Variants in PCDHGA6 observed in about 807,000 individuals in gnomAD.
The protein encoded by PCDHGA6 is protocadherin gamma subfamily A, 6, also known as protocadherin gamma-A6.
A neutral mutation model predicts 60.6 loss-of-function variants in PCDHGA6; 41 were observed. The ratio of observed to expected loss-of-function variants is 0.68; its 90% CI spans 0.53 to 0.88. The LOEUF is 0.88. Ranked by LOEUF, PCDHGA6 falls within the 40% of genes least tolerant of loss-of-function variation. The probability of loss-of-function intolerance (pLI) is 0.00; values close to 1 mark genes in which losing one functional copy is unlikely to be tolerated. For missense variants in PCDHGA6, 1,312 were observed against 1,203.0 expected (o/e 1.09, Z -1.34); for synonymous variants, 594 against 524.4 (o/e 1.13, Z -1.81).
intron 1 of PCDHGA6, among the ~76,000 whole-genome samples, chr5:141,472,980 C>CAAAAAAAAAAAAAAAAAGAAAAAAA (rs2099309731): frequency 1.2e-5 from 1 of 86,102 alleles, no homozygotes; most frequent in African/African-American, 3.9e-5. Flanking sequence ...GAGTGAAACT[C>CAAAAAAAAAAAAAAAAAGAAAAAAA]AAAAAAAAAA....
chr5:141,501,447 A>G (rs1483189279), intron 2 of PCDHGA6, among the ~76,000 whole-genome samples: 1 of 151,816 alleles, frequency 6.6e-6, no homozygotes, highest in Middle Eastern at 3.2e-3. Flanking sequence ...TTCCATTTTT[A>G]CTTTTCACTA....
At position 141,449,274 on chromosome 5, in the gene PCDHGA6, T is replaced by C. The variant is rs569352843; in HGVS notation, c.2425-45533T>C. 3.9e-5 allele frequency among the ~76,000 whole-genome samples: 6 copies of C among 152,260 alleles called. No individual in the cohort carries two copies. In the East Asian group the frequency reaches 1.2e-3, roughly 29 times the overall value. On this transcript the variant is annotated intron_variant, in intron 1 of 3. Transcript: ENST00000517434. ...GAATTGTACAAAGAACTGTATCTCC[T>C]TCACCCGGATGCACCGGGTGAATTA...
intron 1 of PCDHGA6, chr5:141,478,902 GCTGCTGGATAC>G: frequency 1.0e-6 from 1 of 978,788 alleles, no homozygotes. Context: ...TTAGGAATAA[GCTGCTGGATAC>G]CTCTAACCAG....
At chr5:141,391,107 T>C (rs1225302584) in intron 1 of PCDHGA6, 1 of 152,098 alleles carries the variant, frequency 6.6e-6, no homozygotes, top group African/African-American at 2.4e-5. Context: ...CCTAAACTAA[T>C]ATAGCTAGAG....
intron 1 of PCDHGA6, chr5:141,394,811 C>T (rs1225635250): frequency 6.2e-7 from 1 of 1,613,888 alleles, no homozygotes; most frequent in African/African-American, 1.3e-5. Flanking sequence ...CCGTGGCTGA[C>T]AGCATCCCCG....
At chr5:141,406,371 C>T (rs893677721) in intron 1 of PCDHGA6, among the ~76,000 whole-genome samples, 1 of 152,154 alleles carries the variant, frequency 6.6e-6, no homozygotes, top group African/African-American at 2.4e-5. Context: ...TAAGGGTAAA[C>T]TGATAAAAAG....
chr5:141,427,494 A>G (rs1220750249), intron 1 of PCDHGA6: 1 of 560,916 alleles, frequency 1.8e-6, no homozygotes, highest in Non-Finnish European at 3.4e-6. Context: ...TAAGCTTGTA[A>G]CAGATGGGAC....
At chr5:141,440,579 C>G (rs1004258822) in intron 1 of PCDHGA6, 12 of 152,188 alleles carry the variant, frequency 7.9e-5, no homozygotes, top group African/African-American at 2.7e-4. Flanking sequence ...TGAGTTTACC[C>G]AGCTGGAACA....
rs1187459113 is a variant in PCDHGA6 at position 141,487,187 on chromosome 5, G to A, written c.2425-7620G>A. On this transcript the variant is annotated intron_variant, in intron 1 of 3. Coordinates refer to ENST00000517434, the MANE Select transcript of PCDHGA6 (RefSeq NM_018919.3). This position sits in a 1 kb window ranked among gnomAD's most constrained non-coding sequence, Gnocchi z 5.0. The stretch of plus-strand genomic sequence containing the variant: ...GTCCTTAGAGGAAGACACTCATCCA[G>A]TTGTCCCAGATCTTCGAGAATCTTC... 1.2e-6 allele frequency: 2 copies of A among 1,613,826 alleles called. No homozygotes were observed. Among genetic ancestry groups the A allele is most frequent in the Admixed American group, 3.3e-5 (2 of 60,024 alleles).
At chr5:141,495,896 CTCTG>C (rs1175207502) in intron 2 of PCDHGA6, among the ~76,000 whole-genome samples, 2 of 152,108 alleles carry the variant, frequency 1.3e-5, no homozygotes, top group Non-Finnish European at 2.9e-5. Flanking sequence ...CTCTCTTTGT[CTCTG>C]TCTCTGTATA....
chr5:141,400,709 G>A (rs1361669405), intron 1 of PCDHGA6: 1 of 696,272 alleles, frequency 1.4e-6, no homozygotes, highest in East Asian at 2.7e-5. Flanking sequence ...AAAAGAAGTA[G>A]CCTTATAGAT....
At chr5:141,510,627 G>C (rs2099881988) in intron 3 of PCDHGA6, among the ~76,000 whole-genome samples, 2 of 152,090 alleles carry the variant, frequency 1.3e-5, no homozygotes, top group South Asian at 2.1e-4. Context: ...AACCAGAAGA[G>C]GTGGTTACCA....
rs764579211 is a variant in PCDHGA6 at position 141,489,393 on chromosome 5, T to C, written c.2425-5414T>C. 1.9e-5 allele frequency: 30 copies of C among 1,614,098 alleles called. No individual in the cohort carries two copies. In the South Asian group the frequency reaches 3.3e-4, roughly 18 times the overall value. On this transcript the variant is annotated intron_variant, in intron 1 of 3. Coordinates refer to ENST00000517434, the MANE Select transcript of PCDHGA6 (RefSeq NM_018919.3). The surrounding 1 kb of genome is among the most constrained non-coding windows in gnomAD (Gnocchi z 4.5). ...CGCTGGTGGGGAATGTTGCTCAGGA[T>C]CTGGGCTTAAAGATGACAGATCTGT...
Position 141,459,075 on chromosome 5 carries a change from G to C in PCDHGA6, c.2425-35732G>C, listed in dbSNP as rs562572838. ...GTATAATTTATATAACATAAAATTT[G>C]CCTTTTAAAATTATACAGTGCAATG... On this transcript the variant is annotated intron_variant, in intron 1 of 3. Transcript: ENST00000517434. 4.6e-5 allele frequency among the ~76,000 whole-genome samples: 7 copies of C among 152,252 alleles called. No individual in the cohort carries two copies. The East Asian group carries it at 1.4e-3, about 29-fold the overall frequency.
chr5:141,414,290 T>G (rs781378958), intron 1 of PCDHGA6: 5 of 1,613,154 alleles, frequency 3.1e-6, no homozygotes, highest in Non-Finnish European at 4.2e-6. Context: ...GTCGTAGCCC[T>G]TTTAAATGTG....
chr5:141,495,276 G>A (rs1350329744), intron 2 of PCDHGA6, among the ~76,000 whole-genome samples: 1 of 152,190 alleles, frequency 6.6e-6, no homozygotes, highest in East Asian at 1.9e-4. Flanking sequence ...GACCGGAGGA[G>A]GCGGTCCGCA....
In PCDHGA6 at chr5:141,486,836, G is replaced by C; in HGVS notation, c.2425-7971G>C. On this transcript the variant is annotated intron_variant, in intron 1 of 3. Coordinates refer to ENST00000517434, the MANE Select transcript of PCDHGA6 (RefSeq NM_018919.3). This position sits in a 1 kb window ranked among gnomAD's most constrained non-coding sequence, Gnocchi z 5.0. ...CAGCACTGTAACAGTTCGTCTATTT[G>C]TGCTGGACCTCAATGACAATGCTCC... 1 of 1,614,242 alleles carries C rather than the reference G, an allele frequency of 6.2e-7. No individual in the cohort carries two copies. The highest frequency in any genetic ancestry group is 8.5e-7 in the Non-Finnish European group (1 of 1,180,046).
At position 141,374,518 on chromosome 5, in the gene PCDHGA6, C is replaced by T. The variant is rs766036470; in HGVS notation, c.435C>T (p.Asn145=). 2 of 1,612,420 alleles carry T rather than the reference C, an allele frequency of 1.2e-6. No homozygotes were observed. Among genetic ancestry groups the T allele is most frequent in the South Asian group, 1.1e-5 (1 of 91,086 alleles). The change falls in exon 1 of 4, where the codon AAC becomes AAT. Residue 145 remains asparagine, a synonymous_variant. Coordinates refer to ENST00000517434, the MANE Select transcript of PCDHGA6 (RefSeq NM_018919.3). ...KEELEVKILE[N]AAPSSRFPLM... ...AATTGGAAGTGAAAATTCTCGAAAA[C>T]GCAGCTCCATCCTCTCGTTTTCCAC...
chr5:141,418,178 G>A, intron 1 of PCDHGA6: 1 of 1,614,080 alleles, frequency 6.2e-7, no homozygotes, highest in Non-Finnish European at 8.5e-7. Flanking sequence ...GTTGCAATTG[G>A]AAGCTGTGGT....
Sources: allele counts gnomAD v4.1 joint callset (sites outside exome capture counted in the v4.1 genomes callset), GRCh38; gene constraint gnomAD v4.1.1; non-coding constraint Gnocchi (gnomAD v3.1); transcripts MANE v1.5; gene names NCBI Gene and HGNC (gene_info 2026-07-23, HGNC 2026-07-21).